Variants in ZSCAN5A observed in about 807,000 individuals in gnomAD.
ZSCAN5A encodes zinc finger and SCAN domain-containing protein 5A.
In ZSCAN5A, 12 loss-of-function variants were observed where a neutral mutation model predicts 23.7. That is an observed-to-expected ratio of 0.51 (90% CI 0.32 to 0.82). The LOEUF (loss-of-function observed/expected upper bound fraction) is 0.82. Ranked by LOEUF, ZSCAN5A falls within the 40% of genes least tolerant of loss-of-function variation. The pLI, the probability that ZSCAN5A is intolerant of heterozygous loss-of-function variation, is 0.03. For missense variants in ZSCAN5A, 597 were observed against 617.9 expected, an observed-to-expected ratio of 0.97 and a Z score of 0.36; for synonymous variants, 257 against 239.9, an observed-to-expected ratio of 1.07 and a Z score of -0.66.
intron 2 of ZSCAN5A, chr19:56,320,038 T>C: frequency 1.2e-6 from 1 of 814,418 alleles, no homozygotes; most frequent in Non-Finnish European, 2.2e-6. Context: ...TAATAAAGCC[T>C]TTCTGGTCTG....
At chr19:56,348,993 T>A (rs1033984690) in intron 2 of ZSCAN5A, among the ~76,000 whole-genome samples, 1 of 152,182 alleles carries the variant, frequency 6.6e-6, no homozygotes, top group Non-Finnish European at 1.5e-5. Context: ...TCAGGATGGC[T>A]ACAGTCAGGA....
intron 2 of ZSCAN5A, chr19:56,228,555 T>C (rs2034185934): frequency 2.7e-6 from 2 of 745,570 alleles, no homozygotes; most frequent in Non-Finnish European, 3.3e-6. Flanking sequence ...AAATATAGAT[T>C]TGCGAGTTTT....
chr19:56,226,603 C>A (rs1316080654), intron 2 of ZSCAN5A, among the ~76,000 whole-genome samples: 4 of 152,100 alleles, frequency 2.6e-5, no homozygotes, highest in Non-Finnish European at 5.9e-5. Flanking sequence ...GGGTCCTCTG[C>A]GCCCTGTGCT....
intron 2 of ZSCAN5A, among the ~76,000 whole-genome samples, chr19:56,258,502 G>GGACACACCTTCCAGTGTGGGGGGGTGACA (rs2036887278): frequency 7.2e-6 from 1 of 139,808 alleles, no homozygotes; most frequent in Non-Finnish European, 1.5e-5. Context: ...TGGGGGTGAC[G>GGACACACCTTCCAGTGTGGGGGGGTGACA]GACACACCTT....
chr19:56,244,234 A>G (rs1290612557), intron 2 of ZSCAN5A: 2 of 1,605,338 alleles, frequency 1.2e-6, no homozygotes, highest in Middle Eastern at 1.7e-4. Flanking sequence ...CTCTGAGGAA[A>G]CTCACTGAGC....
chr19:56,244,601 G>A (rs1427875208), intron 2 of ZSCAN5A, among the ~76,000 whole-genome samples: 4 of 19,616 alleles, frequency 2.0e-4, no homozygotes, highest in Non-Finnish European at 7.0e-4. Flanking sequence ...GTTGTCACAA[G>A]GGGGAGGACA....
At position 56,342,321 on chromosome 19, in the gene ZSCAN5A, CTCTT is replaced by C. The variant is rs967764026; in HGVS notation, c.-358+20910_-358+20913del. 68 of 150,532 alleles carry C rather than the reference CTCTT, an allele frequency of 4.5e-4. 1 individual carries two copies. The highest frequency in any genetic ancestry group is 1.2e-4 in the Non-Finnish European group (8 of 67,946). 9.3% of individuals were successfully genotyped at this position (150,532 alleles called of 1,614,324 possible). The stretch of plus-strand genomic sequence containing the variant: ...TTAAGCTGTCTTACAAAAAAAAAAC[CTCTT>C]TCTTTTTTTTGGGGGATGCCCTTAA... On this transcript the variant is annotated intron_variant, in intron 2 of 6. Coordinates refer to the ZSCAN5A transcript ENST00000587340.
In ZSCAN5A at chr19:56,243,952, A is replaced by T. The variant is rs538297272; in HGVS notation, c.-127-18779T>A. ...AACAGTGAATCTATTATTGAGGAAA[A>T]CCAAAGGAGGCCTGTCTAGATAGGT... On this transcript the variant is annotated intron_variant, in intron 2 of 5. Transcript: ENST00000683990. The T allele has an allele frequency of 2.1e-4, 124 of 588,816 alleles. 1 individual carries two copies. The East Asian group carries it at 3.4e-3, about 16-fold the overall frequency. 36.5% of individuals were successfully genotyped at this position (588,816 alleles called of 1,614,324 possible).
At chr19:56,349,339 C>T (rs928807149) in intron 2 of ZSCAN5A, among the ~76,000 whole-genome samples, 8 of 152,280 alleles carry the variant, frequency 5.3e-5, no homozygotes, top group Non-Finnish European at 2.9e-5. Flanking sequence ...AAGCCAAAGC[C>T]TGCAAAGCTG....
At chr19:56,227,024 G>C (rs150843808) in intron 2 of ZSCAN5A, among the ~76,000 whole-genome samples, 2,345 of 152,270 alleles carry the variant, frequency 0.015, 26 homozygotes, top group Non-Finnish European at 0.025. Context: ...ACCAGGGCTG[G>C]GGTAGGGGTT....
chr19:56,251,971 C>T (rs1225448226), intron 2 of ZSCAN5A, among the ~76,000 whole-genome samples: 1 of 152,160 alleles, frequency 6.6e-6, no homozygotes, highest in Non-Finnish European at 1.5e-5. Context: ...TTCTCTGCTC[C>T]TTTGTGGAAA....
chr19:56,366,977 T>A (rs190587659), intron 1 of ZSCAN5A, among the ~76,000 whole-genome samples: 152 of 152,208 alleles, frequency 1.0e-3, no homozygotes, highest in African/African-American at 3.4e-3. Flanking sequence ...TTTACTTAAC[T>A]CATTAATGAG....
At chr19:56,237,047 G>C (rs564045716) in intron 2 of ZSCAN5A, among the ~76,000 whole-genome samples, 2 of 152,374 alleles carry the variant, frequency 1.3e-5, no homozygotes, top group South Asian at 4.1e-4. Context: ...ACACCGAGGG[G>C]TATTGCCGGG....
intron 2 of ZSCAN5A, among the ~76,000 whole-genome samples, chr19:56,348,879 T>A (rs1461016446): frequency 6.6e-6 from 1 of 152,094 alleles, no homozygotes; most frequent in Non-Finnish European, 1.5e-5. Context: ...TTAACACACT[T>A]CAAGCCCCTT....
chr19:56,309,399 T>A (rs1338917041), intron 2 of ZSCAN5A, among the ~76,000 whole-genome samples: 2 of 152,226 alleles, frequency 1.3e-5, no homozygotes, highest in Admixed American at 6.5e-5. Context: ...ATGGCGAATG[T>A]AATGAAGGCC....
At chr19:56,333,655 A>C (rs2041509331) in intron 2 of ZSCAN5A, among the ~76,000 whole-genome samples, 1 of 152,100 alleles carries the variant, frequency 6.6e-6, no homozygotes, top group Admixed American at 6.6e-5. Flanking sequence ...ACAATAATAA[A>C]GTATATACCT....
chr19:56,238,465 C>CA (rs1291259760), intron 2 of ZSCAN5A, among the ~76,000 whole-genome samples: 1 of 152,042 alleles, frequency 6.6e-6, no homozygotes, highest in Non-Finnish European at 1.5e-5. Flanking sequence ...CCCATCTTTA[C>CA]AAAAAAATCT....
intron 2 of ZSCAN5A, chr19:56,298,334 A>G (rs2040011855): frequency 6.6e-6 from 1 of 152,080 alleles, no homozygotes; most frequent in Non-Finnish European, 1.5e-5. Context: ...CCAAAAACAA[A>G]TGAAATGATA....
At chr19:56,340,494 A>G (rs1160052392) in intron 2 of ZSCAN5A, among the ~76,000 whole-genome samples, 1 of 152,236 alleles carries the variant, frequency 6.6e-6, no homozygotes, top group African/African-American at 2.4e-5. Context: ...GGTCACATCA[A>G]TGTCATGAAA....
Sources: allele counts gnomAD v4.1 joint callset (sites outside exome capture counted in the v4.1 genomes callset), GRCh38; gene constraint gnomAD v4.1.1; transcripts MANE v1.5; gene names NCBI Gene and HGNC (gene_info 2026-07-23, HGNC 2026-07-21).